Variants in SLC29A1 observed in about 807,000 individuals in gnomAD.
The protein encoded by SLC29A1 is solute carrier family 29 member 1 (Augustine blood group).
Under a neutral mutation model 48.3 loss-of-function variants are expected in SLC29A1, and 22 were observed. That is an observed-to-expected ratio of 0.46 (90% CI 0.33 to 0.65). SLC29A1 has a LOEUF of 0.65. SLC29A1 is among the 30% of genes least tolerant of loss of function. The pLI is 0.03. For synonymous variants in SLC29A1, 228 were observed against 231.0 expected, an observed-to-expected ratio of 0.99 and a Z score of 0.12; for missense variants, 491 against 575.3, an observed-to-expected ratio of 0.85 and a Z score of 1.50.
chr6:44,230,379 G>T lies in SLC29A1; in HGVS notation c.487G>T (p.Gly163Cys). 1 of 1,613,994 alleles carries T rather than the reference G, an allele frequency of 6.2e-7. No homozygotes were observed. Among genetic ancestry groups the T allele is most frequent in the Non-Finnish European group, 8.5e-7 (1 of 1,179,884 alleles). The change falls in exon 6 of 13, where the codon GGT becomes TGT. Residue 163 changes from glycine (G) to cysteine (C), a missense_variant. Transcript: ENST00000371755. ...TGCCATCCTGCAGGGCAGCCTGTTTGGTCTGGCTGGCCTTCTGCCTGCCAG... is the reference window on the plus strand; with the variant it reads ...TGCCATCCTGCAGGGCAGCCTGTTTTGTCTGGCTGGCCTTCTGCCTGCCAG... Reference protein sequence around the residue: ...FGAILQGSLFGLAGLLPASYT... With the variant: ...FGAILQGSLFCLAGLLPASYT...
At chr6:44,226,739 G>A (rs1239884862) in intron 1 of SLC29A1, 1 of 996,734 alleles carries the variant, frequency 1.0e-6, no homozygotes. Flanking sequence ...GGGAGCCTCT[G>A]GTTTGACCTC....
In SLC29A1 at chr6:44,233,832, T is replaced by C. The variant is rs1779399091; in HGVS notation, c.*304T>C. 11 of 415,404 alleles carry C rather than the reference T, an allele frequency of 2.6e-5. No homozygotes were observed. In the South Asian group the frequency reaches 2.9e-4, roughly 11 times the overall value. The allele number at this position is 415,404 out of a possible 1,614,324, so 25.7% of individuals were successfully genotyped here. ...GCAGGCCAGTGGAGGCTCTTGGGCT[T>C]GGAGAACACGTGTGTCTCTGTGTAT... On this transcript the variant is annotated 3_prime_UTR_variant, in exon 13 of 13. Transcript: ENST00000371755.
intron 2 of SLC29A1, among the ~76,000 whole-genome samples, chr6:44,228,451 C>T (rs79730095): frequency 2.4e-3 from 371 of 152,330 alleles, no homozygotes; most frequent in African/African-American, 8.2e-3. Flanking sequence ...CGGACCTGCT[C>T]ACGTGGTGTG....
intron 2 of SLC29A1, 83 bp downstream of exon 2, chr6:44,227,425 G>C: frequency 8.0e-7 from 1 of 1,247,742 alleles, no homozygotes; most frequent in East Asian, 2.4e-5. Flanking sequence ...ATTGGGGGTT[G>C]CCATTGCTGG....
upstream of SLC29A1, among the ~76,000 whole-genome samples, chr6:44,220,837 A>AG (rs1477058755): frequency 6.6e-6 from 1 of 151,044 alleles, no homozygotes; most frequent in Non-Finnish European, 1.5e-5. Context: ...AGAAAAGAAA[A>AG]AAAAAAACAA....
intron 2 of SLC29A1, among the ~76,000 whole-genome samples, chr6:44,228,906 A>G (rs556660620): frequency 6.6e-6 from 1 of 152,306 alleles, no homozygotes; most frequent in East Asian, 1.9e-4. Flanking sequence ...GTAGGTCCAG[A>G]ATAGTATGGG....
At position 44,229,202 on chromosome 6, in the gene SLC29A1, T is replaced by C. The variant is rs1299177423; in HGVS notation, c.30-188T>C. The stretch of plus-strand genomic sequence containing the variant: ...CCCTGACCCCATCCCCACCCCAAAT[T>C]CCAACGAGCAATGTACCCTTTTCTC... On this transcript the variant is annotated intron_variant, in intron 2 of 12. Transcript: ENST00000371755. The surrounding 1 kb of genome is among the most constrained non-coding windows in gnomAD (Gnocchi z 5.1). Among the ~76,000 whole-genome samples, 3 of 151,704 alleles carry C rather than the reference T, an allele frequency of 2.0e-5. No individual in the cohort carries two copies. The highest frequency in any genetic ancestry group is 2.0e-4 in the Admixed American group (3 of 15,226).
At position 44,232,035 on chromosome 6, in the gene SLC29A1, C is replaced by G; in HGVS notation, c.902C>G (p.Thr301Ser). 1 of 1,614,060 alleles carries G rather than the reference C, an allele frequency of 6.2e-7. No homozygotes were observed. The highest frequency in any genetic ancestry group is 8.5e-7 in the Non-Finnish European group (1 of 1,179,934). ...GCTTTCTCTGTCTGCTTCATCTTCA[C>G]TATCACCATTGGGATGTTTCCAGCC... ...VLAFSVCFIF[T>S]ITIGMFPAVT... The change falls in exon 10 of 13, where the codon ACT (threonine) becomes AGT (serine). Residue 301 changes from threonine (T) to serine (S), a missense_variant. Coordinates refer to ENST00000371755, the MANE Select transcript of SLC29A1 (RefSeq NM_001372327.1). The surrounding 1 kb of genome is among the most constrained non-coding windows in gnomAD (Gnocchi z 4.7).
At position 44,232,592 on chromosome 6, in the gene SLC29A1, A is replaced by T. The variant is rs539484933; in HGVS notation, c.1059+164A>T. 1.4e-4 allele frequency: 92 copies of T among 641,726 alleles called. No homozygotes were observed. Among genetic ancestry groups the T allele is most frequent in the Non-Finnish European group, 2.4e-4 (88 of 368,140 alleles). 39.8% of individuals were successfully genotyped at this position (641,726 alleles called of 1,614,324 possible). ...CAAGTCTTAAGTGTACAACTTAATGAATATATGTATATACACATACCTGCC... is the reference window on the plus strand; with the variant it reads ...CAAGTCTTAAGTGTACAACTTAATGTATATATGTATATACACATACCTGCC... On this transcript the variant is annotated intron_variant, in intron 11 of 12. Transcript: ENST00000371755. This position sits in a 1 kb window ranked among gnomAD's most constrained non-coding sequence, Gnocchi z 4.7.
In SLC29A1 at chr6:44,230,879, C is replaced by T. The variant is rs755679281; in HGVS notation, c.756C>T (p.Leu252=). Residue 252 remains leucine (L), a synonymous_variant, in exon 8 of 13, where the codon CTC becomes CTT. Transcript: ENST00000371755. Reference sequence around the variant, plus strand: ...GGGAGCAGGAGACCAAGTTGGACCTCATTAGCAAAGGTCCGAAGAGCCTGA... The same window carrying T: ...GGGAGCAGGAGACCAAGTTGGACCTTATTAGCAAAGGTCCGAAGAGCCTGA... The part of the protein sequence containing the change: ...GPGEQETKLD[L]ISKGEEPRAG... The T allele has an allele frequency of 1.2e-6, 2 of 1,613,560 alleles. No homozygotes were observed. The highest frequency in any genetic ancestry group is 1.1e-5 in the South Asian group (1 of 91,066).
chr6:44,219,960 G>A (rs1002945363), upstream of SLC29A1, among the ~76,000 whole-genome samples: 1 of 152,156 alleles, frequency 6.6e-6, no homozygotes, highest in Non-Finnish European at 1.5e-5. Flanking sequence ...CTGGGCCTTC[G>A]AAGGCCATTA....
intron 1 of SLC29A1, among the ~76,000 whole-genome samples, chr6:44,225,145 G>A (rs1249100837): frequency 6.6e-6 from 1 of 152,166 alleles, no homozygotes; most frequent in Non-Finnish European, 1.5e-5. Context: ...TGCCTGTGGG[G>A]TGGAGTACGG....
At chr6:44,233,039 C>G (rs76493127) in intron 12 of SLC29A1, 33 bp downstream of exon 12, 2 of 1,598,210 alleles carry the variant, frequency 1.3e-6, no homozygotes, top group African/African-American at 2.7e-5. Context: ...TTGGTGGCAT[C>G]AGACAGGATC....
At position 44,232,324 on chromosome 6, in the gene SLC29A1, C is replaced by T. The variant is rs74930269; in HGVS notation, c.974-19C>T. On this transcript the variant is annotated intron_variant, in intron 10 of 12. Transcript: ENST00000371755. The surrounding 1 kb of genome is among the most constrained non-coding windows in gnomAD (Gnocchi z 4.7). ...TGCCTCTGTGAGCCTGATAACCACCCGTTCATCTCCTCTTCCAGAACGTTA... is the reference window on the plus strand; with the variant it reads ...TGCCTCTGTGAGCCTGATAACCACCTGTTCATCTCCTCTTCCAGAACGTTA... The T allele has an allele frequency of 1.8e-5, 28 of 1,570,842 alleles. No homozygotes were observed. The East Asian group carries it at 1.8e-4, about 10-fold the overall frequency.
At chr6:44,222,228 G>T (rs1288823421), upstream of SLC29A1, among the ~76,000 whole-genome samples, 1 of 128,200 alleles carries the variant, frequency 7.8e-6, no homozygotes, top group Non-Finnish European at 1.6e-5. Context: ...CCATCTTCCT[G>T]CCCTCTGGTT....
At chr6:44,226,608 G>T in intron 1 of SLC29A1, 1 of 318,480 alleles carries the variant, frequency 3.1e-6, no homozygotes, top group South Asian at 1.3e-4. Context: ...AAAGGTTAAG[G>T]TGCCAACAGC....
At chr6:44,223,493 G>A, upstream of SLC29A1, 3 of 1,018,712 alleles carry the variant, frequency 2.9e-6, no homozygotes, top group Middle Eastern at 9.9e-4. The surrounding 1 kb of genome is among the most constrained non-coding windows in gnomAD (Gnocchi z 5.0). Context: ...GGGTGGGCCG[G>A]GGGCGGGGCC....
upstream of SLC29A1, among the ~76,000 whole-genome samples, chr6:44,221,160 AG>A (rs1297254022): frequency 1.3e-5 from 2 of 152,332 alleles, no homozygotes; most frequent in African/African-American, 2.4e-5. The surrounding 1 kb of genome is among the most constrained non-coding windows in gnomAD (Gnocchi z 4.2). Flanking sequence ...CTGAGATTTC[AG>A]GCATGAGCCA....
At chr6:44,220,344 ATTTTTTTTTT>A (rs3997542), upstream of SLC29A1, among the ~76,000 whole-genome samples, 8 of 126,498 alleles carry the variant, frequency 6.3e-5, no homozygotes, top group African/African-American at 2.4e-4. Flanking sequence ...TGCTCAGCTA[ATTTTTTTTTT>A]TTTTTTTTTT....
Sources: gnomAD v4.1 joint callset for allele counts (sites outside exome capture counted in the v4.1 genomes callset) on GRCh38, gnomAD v4.1.1 for gene constraint, Gnocchi (gnomAD v3.1) non-coding constraint, MANE v1.5 for transcripts, NCBI Gene and HGNC (gene_info 2026-07-23, HGNC 2026-07-21) for gene names.